FNDC3B: variants seen among roughly 807,000 people sequenced by gnomAD.
FNDC3B encodes the protein fibronectin type III domain-containing protein 3B.
Under a neutral mutation model 151.5 loss-of-function variants are expected in FNDC3B, and 12 were observed. The observed-to-expected ratio is 0.08, with a 90% CI of 0.05 to 0.13. The LOEUF is 0.13. Among genes scored for constraint, FNDC3B ranks in the 10% least tolerant of loss-of-function variants. FNDC3B has a pLI of 1.00. For missense variants in FNDC3B, 1,214 were observed against 1,505.3 expected (o/e 0.81, Z 3.20); for synonymous variants, 528 against 549.0 (o/e 0.96, Z 0.54).
chr3:172,306,758 T>G (rs1379338346), intron 9 of FNDC3B, among the ~76,000 whole-genome samples: 1 of 152,228 alleles, frequency 6.6e-6, no homozygotes, highest in Non-Finnish European at 1.5e-5. Flanking sequence ...TAATCTTGGC[T>G]TCATGTATAA....
intron 3 of FNDC3B, among the ~76,000 whole-genome samples, chr3:172,162,408 T>C (rs2108619773): frequency 6.6e-6 from 1 of 152,338 alleles, no homozygotes; most frequent in Non-Finnish European, 1.5e-5. Flanking sequence ...ACATTTGGGT[T>C]GTTTCCCCTT....
At chr3:172,090,573 GTGGGA>G (rs1250167520) in intron 1 of FNDC3B, among the ~76,000 whole-genome samples, 2 of 152,232 alleles carry the variant, frequency 1.3e-5, no homozygotes, top group African/African-American at 4.8e-5. Context: ...TGCTCATGGA[GTGGGA>G]TAGGGTTGTG....
intron 11 of FNDC3B, 38 bp from the exon 12 acceptor site, chr3:172,328,914 T>C (rs757164769): frequency 6.7e-7 from 1 of 1,489,486 alleles, no homozygotes; most frequent in South Asian, 1.3e-5. Context: ...TGTTTTTTTT[T>C]TTTTAAGTAT....
intron 16 of FNDC3B, among the ~76,000 whole-genome samples, chr3:172,340,120 C>G (rs1733217609): frequency 6.6e-6 from 1 of 152,202 alleles, no homozygotes; most frequent in Admixed American, 6.5e-5. Flanking sequence ...GTGAGTCAGG[C>G]AGGCGGCTGA....
chr3:172,155,062 A>C (rs73880112), intron 3 of FNDC3B, among the ~76,000 whole-genome samples: 11,023 of 152,166 alleles, frequency 0.072, 1,157 homozygotes, highest in African/African-American at 0.23. Context: ...TTTGAAAGGA[A>C]GAGCCCTTAG....
chr3:172,376,644 C>T (rs1028621038), intron 23 of FNDC3B, among the ~76,000 whole-genome samples: 2 of 152,014 alleles, frequency 1.3e-5, no homozygotes, highest in African/African-American at 4.8e-5. Flanking sequence ...AATAGGTTGC[C>T]ATGGTATTTG....
intron 11 of FNDC3B, among the ~76,000 whole-genome samples, chr3:172,312,744 A>G (rs1576900406): frequency 1.3e-5 from 2 of 152,244 alleles, no homozygotes; most frequent in African/African-American, 4.8e-5. Context: ...AGGCCAAAAA[A>G]GTTGAATACA....
chr3:172,207,334 A>T (rs9809133), intron 3 of FNDC3B, among the ~76,000 whole-genome samples: 15,752 of 152,130 alleles, frequency 0.1, 1,560 homozygotes, highest in African/African-American at 0.26. Flanking sequence ...TTTCTCCACA[A>T]TCATTAATAT....
rs1169330429 is a variant in FNDC3B, at chr3:172,400,992, G to A, written c.*3517G>A. ...GGCTGGAGTGCAGTGACCCAATCTCGGCTCACTGCAAGCTCCACCTCCCGG... is the reference window on the plus strand; with the variant it reads ...GGCTGGAGTGCAGTGACCCAATCTCAGCTCACTGCAAGCTCCACCTCCCGG... On this transcript the variant is annotated 3_prime_UTR_variant, in exon 26 of 26. Transcript: ENST00000415807. 7.0e-5 allele frequency: 10 copies of A among 143,778 alleles called. No homozygotes were observed. Among genetic ancestry groups the A allele is most frequent in the Admixed American group, 2.2e-4 (3 of 13,688 alleles). The allele number at this position is 143,778 out of a possible 1,614,324, so 8.9% of individuals were successfully genotyped here. A position where few individuals can be genotyped will look rare whatever the true frequency, so the allele number is the denominator to read the frequency against.
Position 172,111,588 on chromosome 3 carries a change from ATC to A in FNDC3B, c.-28-862_-28-861del, listed in dbSNP as rs1276900670. Among the ~76,000 whole-genome samples, 3 of 152,298 alleles carry A rather than the reference ATC, an allele frequency of 2.0e-5. No homozygotes were observed. In the South Asian group the frequency reaches 6.2e-4, roughly 32 times the overall value. On this transcript the variant is annotated intron_variant, in intron 1 of 25. Transcript: ENST00000415807. ...ATAATCTCTTGGGTGGCTTTTATAT[ATC>A]TTTTGATACTTCCAAGGGAGGACTT...
At chr3:172,182,824 G>A (rs188230882) in intron 3 of FNDC3B, among the ~76,000 whole-genome samples, 1 of 152,230 alleles carries the variant, frequency 6.6e-6, no homozygotes, top group Non-Finnish European at 1.5e-5. Context: ...GTGTGTGAAT[G>A]AGAAATGGAG....
chr3:172,253,490 T>C (rs903587819), intron 6 of FNDC3B, among the ~76,000 whole-genome samples: 2 of 152,224 alleles, frequency 1.3e-5, no homozygotes, highest in Admixed American at 6.5e-5. Context: ...TTTTCCTTCT[T>C]TCTCATCCTT....
intron 3 of FNDC3B, among the ~76,000 whole-genome samples, chr3:172,220,290 ATG>A (rs1726214739): frequency 6.6e-6 from 1 of 151,972 alleles, no homozygotes; most frequent in Non-Finnish European, 1.5e-5. Flanking sequence ...ATGTGTGTGC[ATG>A]TGTTTGTGTG....
At chr3:172,349,889 C>G (rs1256216781) in intron 21 of FNDC3B, among the ~76,000 whole-genome samples, 1 of 152,136 alleles carries the variant, frequency 6.6e-6, no homozygotes, top group African/African-American at 2.4e-5. Flanking sequence ...CTCCCGACCT[C>G]AGATGATCCA....
At chr3:172,224,973 T>C (rs1726476186) in intron 3 of FNDC3B, among the ~76,000 whole-genome samples, 1 of 152,240 alleles carries the variant, frequency 6.6e-6, no homozygotes, top group Non-Finnish European at 1.5e-5. Flanking sequence ...TCGTTAGATC[T>C]TTGAAAGGTG....
chr3:172,364,122 C>G (rs1734492495), intron 23 of FNDC3B, among the ~76,000 whole-genome samples: 1 of 152,160 alleles, frequency 6.6e-6, no homozygotes, highest in African/African-American at 2.4e-5. Flanking sequence ...AGATTAAATT[C>G]ATATCCACTG....
intron 3 of FNDC3B, among the ~76,000 whole-genome samples, chr3:172,193,605 G>T (rs1323709239): frequency 6.6e-6 from 1 of 151,290 alleles, no homozygotes; most frequent in Non-Finnish European, 1.5e-5. Flanking sequence ...TGGCACCTCT[G>T]CCATCCCCAC....
intron 11 of FNDC3B, among the ~76,000 whole-genome samples, chr3:172,319,254 C>T (rs755885313): frequency 1.7e-4 from 26 of 152,212 alleles, no homozygotes; most frequent in Admixed American, 2.6e-4. Flanking sequence ...CCATCCATCC[C>T]TTGGTTCATT....
At chr3:172,184,677 G>A (rs1724082748) in intron 3 of FNDC3B, among the ~76,000 whole-genome samples, 2 of 152,128 alleles carry the variant, frequency 1.3e-5, no homozygotes, top group African/African-American at 4.8e-5. Context: ...GACATGTGAA[G>A]GAGGTTAAGA....
Sources: allele counts gnomAD v4.1 joint callset (sites outside exome capture counted in the v4.1 genomes callset), GRCh38; gene constraint gnomAD v4.1.1; transcripts MANE v1.5; gene names NCBI Gene and HGNC (gene_info 2026-07-23, HGNC 2026-07-21).